Variants in SYN3 observed in about 807,000 individuals in gnomAD.
SYN3 encodes the protein synapsin III.
A neutral mutation model predicts 65.8 loss-of-function variants in SYN3; 35 were observed. That is an observed-to-expected ratio of 0.53 (90% CI 0.41 to 0.70). The LOEUF (loss-of-function observed/expected upper bound fraction) is 0.70. SYN3 is among the 30% of genes least tolerant of loss of function. The pLI, the probability that SYN3 is intolerant of heterozygous loss-of-function variation, is 0.00. For synonymous variants in SYN3, 270 were observed against 292.9 expected, an observed-to-expected ratio of 0.92 and a Z score of 0.80; for missense variants, 680 against 749.0, an observed-to-expected ratio of 0.91 and a Z score of 1.08.
At chr22:32,912,879 G>A (rs1245067992) in intron 4 of SYN3, among the ~76,000 whole-genome samples, 1 of 152,176 alleles carries the variant, frequency 6.6e-6, no homozygotes, top group African/African-American at 2.4e-5. Flanking sequence ...GGGATGTTTA[G>A]GGGAGAGAAA....
chr22:33,047,245 T>C (rs2054083465), intron 1 of SYN3, among the ~76,000 whole-genome samples: 1 of 152,206 alleles, frequency 6.6e-6, no homozygotes. Context: ...AGGGTAACCT[T>C]ATCTGTACTA....
chr22:33,030,570 G>A (rs2145895741), intron 1 of SYN3, among the ~76,000 whole-genome samples: 1 of 151,564 alleles, frequency 6.6e-6, no homozygotes, highest in Middle Eastern at 3.4e-3. Context: ...TAGAGACTGA[G>A]AGATAGAGAC....
At chr22:32,606,838 TA>T (rs2059379099) in intron 6 of SYN3, among the ~76,000 whole-genome samples, 1 of 151,478 alleles carries the variant, frequency 6.6e-6, no homozygotes, top group Non-Finnish European at 1.5e-5. Context: ...AATAAGTATT[TA>T]TTTAAAAAAT....
At chr22:32,552,200 C>T (rs924323221) in intron 7 of SYN3, among the ~76,000 whole-genome samples, 21 of 152,208 alleles carry the variant, frequency 1.4e-4, no homozygotes, top group African/African-American at 4.1e-4. Context: ...GGAGCAAGAT[C>T]GCGCCACTGC....
intron 3 of SYN3, among the ~76,000 whole-genome samples, chr22:32,974,468 A>G (rs1425193746): frequency 1.3e-5 from 2 of 152,236 alleles, no homozygotes; most frequent in Non-Finnish European, 2.9e-5. Flanking sequence ...ACTGGGACCT[A>G]TCAGAGACCT....
At position 32,541,700 on chromosome 22, in the gene SYN3, T is replaced by G. The variant is rs779877666; in HGVS notation, c.788A>C (p.Asn263Thr). ...HAGMGKIKVE[N>T]QLDFQDITSV... Reference sequence around the variant, plus strand: ...GGTGATGTCCTGGAAGTCAAGCTGGTTTTCCACTTTGATCTGTGTGGGAGG... The same window carrying G: ...GGTGATGTCCTGGAAGTCAAGCTGGGTTTCCACTTTGATCTGTGTGGGAGG... The change falls in exon 8 of 14, where the codon AAC (asparagine) becomes ACC (threonine). Residue 263 changes from asparagine (N) to threonine (T), a missense_variant. By Grantham distance (65) the Asn-to-Thr change is moderately conservative. Transcript: ENST00000358763. 6.2e-7 allele frequency: 1 copy of G among 1,613,864 alleles called. No homozygotes were observed. The highest frequency in any genetic ancestry group is 1.1e-5 in the South Asian group (1 of 91,044).
intron 4 of SYN3, among the ~76,000 whole-genome samples, chr22:32,894,169 G>A (rs943560802): frequency 1.3e-5 from 2 of 149,236 alleles, no homozygotes; most frequent in Admixed American, 1.3e-4. Context: ...AGGGCCTGGT[G>A]AATCACTGCT....
Position 33,044,518 on chromosome 22 carries a change from A to G in SYN3, c.-163+13774T>C, listed in dbSNP as rs968614916. ...TAAACAGACACGTGCTCTTTGATCA[A>G]TCCTCATCACCTCACCCAACATAAG... is the stretch of plus-strand genomic sequence containing the variant. On this transcript the variant is annotated intron_variant, in intron 1 of 13. Transcript: ENST00000358763. Among the ~76,000 whole-genome samples, 5 of 152,022 alleles carry G rather than the reference A, an allele frequency of 3.3e-5. No homozygotes were observed. The East Asian group carries it at 7.8e-4, about 24-fold the overall frequency.
chr22:32,672,975 G>T (rs2060391835), intron 6 of SYN3, among the ~76,000 whole-genome samples: 1 of 152,218 alleles, frequency 6.6e-6, no homozygotes, highest in Non-Finnish European at 1.5e-5. Flanking sequence ...GCTGGCACCT[G>T]GTTAGGACGA....
intron 1 of SYN3, among the ~76,000 whole-genome samples, chr22:33,016,162 C>A (rs1193614284): frequency 6.6e-6 from 1 of 152,296 alleles, no homozygotes; most frequent in Non-Finnish European, 1.5e-5. Context: ...TAATTTCTTA[C>A]ACACTTGTTT....
At chr22:32,843,282 G>T (rs1000042876) in intron 6 of SYN3, among the ~76,000 whole-genome samples, 1 of 152,242 alleles carries the variant, frequency 6.6e-6, no homozygotes, top group Non-Finnish European at 1.5e-5. Context: ...TTATCAGTAT[G>T]TTCTAGTTCC....
At chr22:32,869,223 G>C (rs1412475976) in intron 4 of SYN3, 98 bp from the exon 5 acceptor site, 2 of 1,387,652 alleles carry the variant, frequency 1.4e-6, no homozygotes, top group East Asian at 4.8e-5. Context: ...TGACTTGCAG[G>C]GCGGCAGCTT....
At chr22:32,795,269 G>C (rs977387513) in intron 6 of SYN3, among the ~76,000 whole-genome samples, 3 of 152,260 alleles carry the variant, frequency 2.0e-5, no homozygotes, top group African/African-American at 4.8e-5. Flanking sequence ...ACTCTGGGGA[G>C]TGTAACCAAT....
intron 3 of SYN3, among the ~76,000 whole-genome samples, chr22:32,932,695 T>C (rs1175465011): frequency 6.6e-6 from 1 of 152,064 alleles, no homozygotes. Context: ...ACAACCAGAG[T>C]CCCATGGAAT....
intron 6 of SYN3, among the ~76,000 whole-genome samples, chr22:32,819,479 A>T (rs994058022): frequency 5.3e-5 from 8 of 152,202 alleles, no homozygotes; most frequent in Non-Finnish European, 1.2e-4. Context: ...AAGGATGTCC[A>T]TTGACTATAA....
chr22:32,994,699 G>A (rs542384366), intron 2 of SYN3, among the ~76,000 whole-genome samples: 5 of 152,222 alleles, frequency 3.3e-5, no homozygotes, highest in Admixed American at 1.3e-4. Context: ...TCCTCACAGC[G>A]GAGGGACTGC....
intron 7 of SYN3, among the ~76,000 whole-genome samples, chr22:32,555,972 T>C (rs1000857929): frequency 6.6e-6 from 1 of 152,162 alleles, no homozygotes; most frequent in Non-Finnish European, 1.5e-5. Flanking sequence ...TACCAGGTCA[T>C]GCTCACAGAG....
intron 7 of SYN3, among the ~76,000 whole-genome samples, chr22:32,566,616 A>G (rs529386260): frequency 6.6e-6 from 1 of 152,154 alleles, no homozygotes; most frequent in Non-Finnish European, 1.5e-5. Flanking sequence ...AGGATTTTCT[A>G]TTTGGAGGTC....
In SYN3 at chr22:33,027,109, C is replaced by A. The variant is rs552950336; in HGVS notation, c.-162-20285G>T. ...ACAGACTTGAGAGTTGATGTGATTT[C>A]TTACTCAATATAGAACTTCCCTCTA... On this transcript the variant is annotated intron_variant, in intron 1 of 13. Transcript: ENST00000358763. 7.9e-5 allele frequency among the ~76,000 whole-genome samples: 12 copies of A among 152,230 alleles called. No individual in the cohort carries two copies. In the East Asian group the frequency reaches 1.4e-3, roughly 17 times the overall value.
Sources: gnomAD v4.1 joint callset for allele counts (sites outside exome capture counted in the v4.1 genomes callset) on GRCh38, gnomAD v4.1.1 for gene constraint, MANE v1.5 for transcripts, NCBI Gene and HGNC (gene_info 2026-07-23, HGNC 2026-07-21) for gene names.